PANX1: variants seen among roughly 807,000 people sequenced by gnomAD.
PANX1 encodes the protein pannexin 1.
A neutral mutation model predicts 38.7 loss-of-function variants in PANX1; 30 were observed. The observed-to-expected ratio is 0.78, with a 90% CI of 0.58 to 1.05. The LOEUF is 1.05. Among genes scored for constraint, PANX1 ranks in the 50% least tolerant of loss-of-function variants. PANX1 has a pLI of 0.00. For synonymous variants in PANX1, 230 were observed against 212.2 expected (o/e 1.08, Z -0.73); for missense variants, 551 against 517.2 (o/e 1.07, Z -0.63).
At chr11:94,142,139 A>G (rs1362650250) in intron 1 of PANX1, among the ~76,000 whole-genome samples, 4 of 152,188 alleles carry the variant, frequency 2.6e-5, no homozygotes, top group African/African-American at 9.7e-5. Flanking sequence ...GCAAGCTCAC[A>G]GCCCAGCTCA....
intron 2 of PANX1, chr11:94,175,787 C>G: frequency 1.0e-6 from 1 of 984,738 alleles, no homozygotes; most frequent in Non-Finnish European, 1.2e-6. Context: ...CTAATCACAG[C>G]CTGCTTTGTG....
At chr11:94,155,983 G>C (rs1364227014) in intron 2 of PANX1, among the ~76,000 whole-genome samples, 1 of 152,166 alleles carries the variant, frequency 6.6e-6, no homozygotes, top group Non-Finnish European at 1.5e-5. Flanking sequence ...TGTAGTTTAA[G>C]TTCGTTTGTT....
chr11:94,132,359 G>T (rs893553592), intron 1 of PANX1, among the ~76,000 whole-genome samples: 1 of 152,224 alleles, frequency 6.6e-6, no homozygotes, highest in African/African-American at 2.4e-5. Flanking sequence ...TGGAAAGGCA[G>T]AAGGAGGGGT....
chr11:94,156,435 C>G (rs1325311434), intron 2 of PANX1, among the ~76,000 whole-genome samples: 1 of 152,180 alleles, frequency 6.6e-6, no homozygotes, highest in Non-Finnish European at 1.5e-5. Context: ...AAATTGAAGT[C>G]AGGACCTGCC....
rs1947144094 is a variant in PANX1 at position 94,169,812 on chromosome 11, T to C, written c.322-8557T>C. 1.3e-5 allele frequency among the ~76,000 whole-genome samples: 2 copies of C among 151,598 alleles called. 1 individual carries two copies. Among genetic ancestry groups the C allele is most frequent in the South Asian group, 4.1e-4 (2 of 4,832 alleles). ...GCATGGCCCTGCTAGCACCTTGATT[T>C]TGAACTCCTCACCTCTAAAACCATG... On this transcript the variant is annotated intron_variant, in intron 2 of 4. Transcript: ENST00000227638.
intron 1 of PANX1, among the ~76,000 whole-genome samples, chr11:94,133,403 G>A (rs1946653117): frequency 6.6e-6 from 1 of 152,116 alleles, no homozygotes; most frequent in African/African-American, 2.4e-5. Flanking sequence ...CATGGTCAAG[G>A]TGGAGGCAAC....
At chr11:94,180,337 T>A (rs1947291492) in intron 4 of PANX1, 80 bp downstream of exon 4, 2 of 1,197,958 alleles carry the variant, frequency 1.7e-6, no homozygotes, top group Non-Finnish European at 2.4e-6. Flanking sequence ...TGACAGTCTT[T>A]ACCCTGCCCA....
At position 94,179,653 on chromosome 11, in the gene PANX1, C is replaced by G; in HGVS notation, c.597C>G (p.Tyr199Ter). Residue 199 changes from tyrosine to a stop codon, truncating the protein, a stop_gained, in exon 4 of 5, where the codon TAC (tyrosine) becomes TAG (stop). Coordinates refer to ENST00000227638, the MANE Select transcript of PANX1 (RefSeq NM_015368.4). LOFTEE classifies it high-confidence loss of function. The part of the protein sequence containing the change: ...SHFKYPIVEQ[Y>*]LKTKKNSNNL... ...TCAAGTACCCAATTGTGGAGCAGTA[C>G]TTGAAGACAAAGAAAAATTCTAATA... 1 of 1,613,546 alleles carries G rather than the reference C, an allele frequency of 6.2e-7. No individual in the cohort carries two copies. The highest frequency in any genetic ancestry group is 8.5e-7 in the Non-Finnish European group (1 of 1,179,696).
rs192259859 is a variant in PANX1, at chr11:94,134,074, C to T, written c.181+4581C>T. 6.7e-4 allele frequency among the ~76,000 whole-genome samples: 102 copies of T among 152,318 alleles called. 1 individual carries two copies. Among genetic ancestry groups the T allele is most frequent in the Non-Finnish European group, 6.5e-4 (44 of 68,038 alleles). ...CATCGTCATGATAGGTAAGTTGTCC[C>T]ACTTGATTTATAAGCTCAGGTTATA... On this transcript the variant is annotated intron_variant, in intron 1 of 4. Transcript: ENST00000227638.
chr11:94,129,592 G>A, intron 1 of PANX1, 99 bp downstream of exon 1: 1 of 1,089,492 alleles, frequency 9.2e-7, no homozygotes, highest in Non-Finnish European at 1.3e-6. Flanking sequence ...ACGCCCAGCT[G>A]TGATGGTCGT....
chr11:94,167,954 G>A (rs1947121433), intron 2 of PANX1, among the ~76,000 whole-genome samples: 1 of 152,224 alleles, frequency 6.6e-6, no homozygotes. Context: ...AGAAGCCAGT[G>A]CAGTCTGGGA....
At chr11:94,155,472 C>G (rs1468897807) in intron 2 of PANX1, among the ~76,000 whole-genome samples, 1 of 151,900 alleles carries the variant, frequency 6.6e-6, no homozygotes, top group African/African-American at 2.4e-5. Context: ...AGAGATCACA[C>G]CACTGCACTC....
intron 1 of PANX1, among the ~76,000 whole-genome samples, chr11:94,153,102 G>T (rs1038023255): frequency 3.3e-5 from 5 of 151,932 alleles, no homozygotes; most frequent in Admixed American, 3.3e-4. Context: ...CCAATTTTCC[G>T]CATTCAGGTG....
intron 2 of PANX1, among the ~76,000 whole-genome samples, chr11:94,171,375 C>T (rs1947164843): frequency 6.6e-6 from 1 of 151,730 alleles, no homozygotes; most frequent in Non-Finnish European, 1.5e-5. Flanking sequence ...TGCCATAATT[C>T]TGCTTTATTA....
rs1409916847 is a variant in PANX1, at chr11:94,180,229, G to C, written c.1173G>C (p.Glu391Asp). The C allele has an allele frequency of 6.2e-7, 1 of 1,608,690 alleles. No homozygotes were observed. Among genetic ancestry groups the C allele is most frequent in the Admixed American group, 1.7e-5 (1 of 59,858 alleles). Residue 391 changes from glutamate (E) to aspartate (D), a missense_variant, in exon 4 of 5, where the codon GAG becomes GAC. Physicochemically the swap from Glu to Asp is conservative, Grantham distance 45. Transcript: ENST00000227638. ...KTPMSAEMRE[E>D]QGNQTAELQG... The stretch of plus-strand genomic sequence containing the variant: ...CCATGTCTGCAGAGATGAGAGAGGA[G>C]CAGGGGAACCAGACGGCAGAGCTCC...
At chr11:94,150,512 C>T (rs1481945485) in intron 1 of PANX1, among the ~76,000 whole-genome samples, 3 of 152,134 alleles carry the variant, frequency 2.0e-5, no homozygotes, top group African/African-American at 7.2e-5. Context: ...AAAAATGAAT[C>T]CGGATGGTCC....
chr11:94,180,267 G>A lies in PANX1; in HGVS notation c.1201+10G>A. ...ACGGCAGAGCTCCAAGGTAGGGTTT[G>A]CTTTTGGCAGAGGCTACGGGAGTCT... On this transcript the variant is annotated intron_variant, in intron 4 of 4. Transcript: ENST00000227638. 1 of 1,589,354 alleles carries A rather than the reference G, an allele frequency of 6.3e-7. No individual in the cohort carries two copies. Among genetic ancestry groups the A allele is most frequent in the Non-Finnish European group, 8.6e-7 (1 of 1,164,820 alleles).
intron 2 of PANX1, among the ~76,000 whole-genome samples, chr11:94,162,457 T>G (rs1947053866): frequency 6.6e-6 from 1 of 152,216 alleles, no homozygotes; most frequent in Admixed American, 6.5e-5. Context: ...ACCTTGCAGT[T>G]TGATCTCGAC....
At chr11:94,147,374 G>C (rs1033186561) in intron 1 of PANX1, among the ~76,000 whole-genome samples, 1 of 152,034 alleles carries the variant, frequency 6.6e-6, no homozygotes, top group East Asian at 1.9e-4. Context: ...CTGGTACCCA[G>C]GTCATGAACT....
Sources: allele counts gnomAD v4.1 joint callset (sites outside exome capture counted in the v4.1 genomes callset), GRCh38; gene constraint gnomAD v4.1.1; transcripts MANE v1.5; gene names NCBI Gene and HGNC (gene_info 2026-07-23, HGNC 2026-07-21).